Variants in UPP2 observed in about 807,000 individuals in gnomAD.
UPP2 encodes UPase 2.
Under a neutral mutation model 26.7 loss-of-function variants are expected in UPP2, and 23 were observed. The ratio of observed to expected loss-of-function variants is 0.86; its 90% CI spans 0.62 to 1.22. The LOEUF (loss-of-function observed/expected upper bound fraction) is 1.22, where lower values mean the gene tolerates loss of function less well. Ranked by LOEUF, UPP2 falls within the 50% of genes most tolerant of loss-of-function variation. The pLI is 0.00. For missense variants in UPP2, 387 were observed against 396.7 expected, an observed-to-expected ratio of 0.98 and a Z score of 0.21; for synonymous variants, 127 against 141.3, an observed-to-expected ratio of 0.90 and a Z score of 0.72.
intron 3 of UPP2, among the ~76,000 whole-genome samples, chr2:158,044,235 A>G (rs1684119959): frequency 6.6e-6 from 1 of 152,218 alleles, no homozygotes; most frequent in Non-Finnish European, 1.5e-5. Flanking sequence ...AAGCACAGAC[A>G]GGGTGTTCCC....
chr2:158,109,263 A>C, intron 2 of UPP2, among the ~76,000 whole-genome samples: 1 of 152,164 alleles, frequency 6.6e-6, no homozygotes, highest in Admixed American at 6.6e-5. Context: ...CTGGGTGTAT[A>C]AAGCTGAAAC....
intron 3 of UPP2, among the ~76,000 whole-genome samples, chr2:158,072,641 GAGACAGACAGAC>G (rs34853147): frequency 6.0e-5 from 9 of 150,158 alleles, no homozygotes; most frequent in East Asian, 2.0e-4. Flanking sequence ...CAGAGAGAAA[GAGACAGACAGAC>G]AGACAGACAG....
intron 6 of UPP2, chr2:158,128,030 C>T (rs1683730859): frequency 2.0e-6 from 2 of 985,098 alleles, no homozygotes; most frequent in Non-Finnish European, 2.4e-6. Flanking sequence ...GTACTGTGAA[C>T]TTGTGGTAAG....
intron 3 of UPP2, among the ~76,000 whole-genome samples, chr2:158,060,072 TTGTG>T (rs1202559845): frequency 2.6e-5 from 4 of 152,244 alleles, no homozygotes; most frequent in Non-Finnish European, 5.9e-5. Flanking sequence ...CACATCTGAT[TTGTG>T]TGTGTGCGTG....
chr2:158,087,946 C>A (rs766987037), intron 3 of UPP2, among the ~76,000 whole-genome samples: 3 of 152,126 alleles, frequency 2.0e-5, no homozygotes, highest in Non-Finnish European at 4.4e-5. Context: ...CTTTAGAAAA[C>A]CTGATGACTA....
At chr2:158,009,707 C>T (rs1056013126) in intron 2 of UPP2, among the ~76,000 whole-genome samples, 1 of 152,208 alleles carries the variant, frequency 6.6e-6, no homozygotes, top group Admixed American at 6.5e-5. Flanking sequence ...CTAGAAGGAA[C>T]AGGAATGCTT....
At chr2:158,049,587 A>G (rs561885871) in intron 3 of UPP2, among the ~76,000 whole-genome samples, 2 of 152,278 alleles carry the variant, frequency 1.3e-5, no homozygotes, top group South Asian at 2.1e-4. Flanking sequence ...TTTTTCCTCT[A>G]CTGTGAACAA....
At chr2:158,090,106 G>C (rs1383967629) in intron 3 of UPP2, among the ~76,000 whole-genome samples, 1 of 152,118 alleles carries the variant, frequency 6.6e-6, no homozygotes, top group African/African-American at 2.4e-5. Context: ...ATAACTAAAA[G>C]GGTGGAATTG....
chr2:158,134,603 G>C, intron 6 of UPP2, 145 bp from the exon 7 acceptor site: 1 of 951,106 alleles, frequency 1.1e-6, no homozygotes, highest in Non-Finnish European at 1.4e-6. Context: ...AGACCAGAAG[G>C]TTCAGTAGGT....
intron 3 of UPP2, among the ~76,000 whole-genome samples, chr2:158,049,659 C>T (rs1017570111): frequency 2.0e-5 from 3 of 152,078 alleles, no homozygotes; most frequent in Admixed American, 6.5e-5. Flanking sequence ...ATACACTCTG[C>T]GGGGAGGAGG....
chr2:158,023,153 A>C (rs930435411), intron 3 of UPP2, among the ~76,000 whole-genome samples: 3 of 127,104 alleles, frequency 2.4e-5, no homozygotes, highest in Admixed American at 2.0e-4. Context: ...GTGTGTGAGG[A>C]TGGGGTGTGT....
chr2:158,102,287 T>G (rs1683092820), intron 1 of UPP2, among the ~76,000 whole-genome samples, 162 bp downstream of exon 1: 1 of 152,144 alleles, frequency 6.6e-6, no homozygotes, highest in African/African-American at 2.4e-5. Flanking sequence ...CAGTGGAAAA[T>G]GTATTTTCAA....
At chr2:158,097,385 A>C (rs575745220), upstream of UPP2, among the ~76,000 whole-genome samples, 82 of 151,994 alleles carry the variant, frequency 5.4e-4, no homozygotes, top group African/African-American at 1.3e-3. Context: ...CTCTCTATAT[A>C]TATATATATA....
chr2:158,113,772 C>T (rs1683367043), intron 2 of UPP2, among the ~76,000 whole-genome samples: 1 of 152,152 alleles, frequency 6.6e-6, no homozygotes. Context: ...CCCTCCCAGT[C>T]CTCTGTCCAA....
chr2:158,100,496 A>T (rs568957868), upstream of UPP2, among the ~76,000 whole-genome samples: 7 of 152,330 alleles, frequency 4.6e-5, no homozygotes, highest in South Asian at 1.5e-3. Flanking sequence ...ATTGAGAGAT[A>T]TGGCATGGAA....
At chr2:158,009,152 G>A (rs181694507) in intron 2 of UPP2, among the ~76,000 whole-genome samples, 1 of 152,220 alleles carries the variant, frequency 6.6e-6, no homozygotes, top group Admixed American at 6.5e-5. Flanking sequence ...AATTACTAAA[G>A]CTTTAATGAA....
At chr2:158,099,890 C>T (rs1683046723), upstream of UPP2, among the ~76,000 whole-genome samples, 1 of 152,220 alleles carries the variant, frequency 6.6e-6, no homozygotes, top group African/African-American at 2.4e-5. Context: ...CCCTCCTGAT[C>T]ACAAGGCTGG....
At chr2:158,018,278 ACAGAATTCAGAAGTC>A (rs1683692582) in intron 3 of UPP2, among the ~76,000 whole-genome samples, 1 of 152,248 alleles carries the variant, frequency 6.6e-6, no homozygotes, top group Non-Finnish European at 1.5e-5. Flanking sequence ...GCACTTGTTT[ACAGAATTCAGAAGTC>A]TTATTAAGAC....
At chr2:158,033,508 GAGCCAGCCAGCC>G (rs368804329) in intron 3 of UPP2, among the ~76,000 whole-genome samples, 2 of 152,162 alleles carry the variant, frequency 1.3e-5, no homozygotes, top group African/African-American at 2.4e-5. Context: ...AGCTTGAGGG[GAGCCAGCCAGCC>G]AGCCAGCCAG....
Sources: allele counts gnomAD v4.1 joint callset (sites outside exome capture counted in the v4.1 genomes callset), GRCh38; gene constraint gnomAD v4.1.1; transcripts MANE v1.5; gene names NCBI Gene and HGNC (gene_info 2026-07-23, HGNC 2026-07-21).